SETD5: variants seen among roughly 807,000 people sequenced by gnomAD.
SETD5 encodes SET domain containing 5, also known as histone-lysine N-methyltransferase SETD5.
Under a neutral mutation model 153.3 loss-of-function variants are expected in SETD5, and 44 were observed. That is an observed-to-expected ratio of 0.29 (90% CI 0.23 to 0.37). The LOEUF is 0.37. Among genes scored for constraint, SETD5 ranks in the 10% least tolerant of loss-of-function variants. SETD5 has a pLI of 1.00. For synonymous variants in SETD5, 716 were observed against 645.2 expected (o/e 1.11, Z -1.66); for missense variants, 1,544 against 1,768.0 (o/e 0.87, Z 2.27).
chr3:9,423,901 T>G (rs914260255), intron 1 of SETD5, among the ~76,000 whole-genome samples: 2 of 152,246 alleles, frequency 1.3e-5, no homozygotes, highest in African/African-American at 4.8e-5. Context: ...TAAGCGCCAT[T>G]TTTTAAGCAT....
At chr3:9,460,806 G>T (rs536227247) in intron 17 of SETD5, among the ~76,000 whole-genome samples, 63 of 151,868 alleles carry the variant, frequency 4.1e-4, no homozygotes, top group African/African-American at 1.4e-3. Context: ...TTCCTTTTTT[G>T]TAATGGCAGT....
chr3:9,445,723 C>T lies in SETD5; in HGVS notation c.1507C>T (p.Leu503=), dbSNP rs1316499979. Residue 503 remains leucine, a synonymous_variant, in exon 13 of 23, where the codon CTA becomes TTA. Coordinates refer to ENST00000402198, the MANE Select transcript of SETD5 (RefSeq NM_001080517.3). The stretch of plus-strand genomic sequence containing the variant: ...AGAGGTTATAGATGACCAGGAGAAC[C>T]TAGCTCATAGCAGGAGGGTGAGTAC... ...KEEVIDDQEN[L]AHSRRTREDR... is the part of the protein sequence containing the mutation. 7 of 1,613,014 alleles carry T rather than the reference C, an allele frequency of 4.3e-6. No homozygotes were observed. The highest frequency in any genetic ancestry group is 1.1e-5 in the South Asian group (1 of 90,968).
chr3:9,404,197 G>A (rs2035292492), intron 1 of SETD5, among the ~76,000 whole-genome samples: 1 of 152,190 alleles, frequency 6.6e-6, no homozygotes, highest in Admixed American at 6.5e-5. Context: ...AAGGGAACTG[G>A]AATGTTAATT....
At chr3:9,475,262 G>T in intron 22 of SETD5, 106 bp downstream of exon 22, 1 of 1,231,510 alleles carries the variant, frequency 8.1e-7, no homozygotes, top group Non-Finnish European at 1.1e-6. Flanking sequence ...TATAGTTTCA[G>T]CAGCCTTGGA....
Position 9,429,901 on chromosome 3 carries a change from C to T in SETD5, c.71+892C>T, listed in dbSNP as rs1244606163. 3.1e-6 allele frequency: 4 copies of T among 1,303,724 alleles called. No individual in the cohort carries two copies. In the South Asian group the frequency reaches 3.7e-5, roughly 12 times the overall value. The allele number at this position is 1,303,724 out of a possible 1,614,324, so 80.8% of individuals were successfully genotyped here. ...GGATGTGAAAGTCCAGCGAAAGAGA[C>T]CCAAGGGGCCTAGGGGGCAGCACAC... On this transcript the variant is annotated intron_variant, in intron 3 of 22. Coordinates refer to ENST00000402198, the MANE Select transcript of SETD5 (RefSeq NM_001080517.3).
intron 1 of SETD5, among the ~76,000 whole-genome samples, chr3:9,422,337 C>T (rs1481417929): frequency 6.6e-6 from 1 of 152,136 alleles, no homozygotes; most frequent in Non-Finnish European, 1.5e-5. Context: ...CAATATTTAA[C>T]ATTGACTTTT....
chr3:9,409,692 A>G (rs527492711), intron 1 of SETD5, among the ~76,000 whole-genome samples: 2 of 152,182 alleles, frequency 1.3e-5, no homozygotes, highest in Non-Finnish European at 2.9e-5. Context: ...AGGAGTGTTC[A>G]TTGCTCTTGG....
At chr3:9,475,204 T>C (rs756230982) in intron 22 of SETD5, 48 bp downstream of exon 22, 1 of 1,501,828 alleles carries the variant, frequency 6.7e-7, no homozygotes. Flanking sequence ...GTGTTCTGGG[T>C]CCCAAATTGT....
At chr3:9,455,881 G>A (rs886129927) in intron 17 of SETD5, among the ~76,000 whole-genome samples, 20 of 152,084 alleles carry the variant, frequency 1.3e-4, no homozygotes, top group Non-Finnish European at 4.4e-5. Flanking sequence ...TTTTGTTATT[G>A]TTGAGCTTCT....
chr3:9,415,553 G>T (rs766696132), intron 1 of SETD5, among the ~76,000 whole-genome samples: 1 of 152,060 alleles, frequency 6.6e-6, no homozygotes, highest in Non-Finnish European at 1.5e-5. Flanking sequence ...TGAGTTGGTC[G>T]TTGTCTTCCA....
chr3:9,407,635 G>C (rs1315050775), intron 1 of SETD5, among the ~76,000 whole-genome samples: 3 of 152,094 alleles, frequency 2.0e-5, no homozygotes, highest in Non-Finnish European at 4.4e-5. Flanking sequence ...TTAATACTAG[G>C]AATATGTTTC....
chr3:9,453,920 G>T (rs1210590328), intron 17 of SETD5, 52 bp downstream of exon 17: 2 of 1,442,156 alleles, frequency 1.4e-6, no homozygotes, highest in Non-Finnish European at 1.8e-6. Flanking sequence ...TTTCAGGTCT[G>T]CATAAAAAAT....
At chr3:9,443,167 G>A (rs1253928469) in intron 10 of SETD5, 141 bp from the exon 11 acceptor site, 1 of 648,458 alleles carries the variant, frequency 1.5e-6, no homozygotes, top group Admixed American at 2.6e-5. Flanking sequence ...AAATGAAGGG[G>A]TTAAATAACA....
intron 15 of SETD5, 63 bp downstream of exon 15, chr3:9,448,069 G>C: frequency 6.7e-7 from 1 of 1,492,886 alleles, no homozygotes; most frequent in Non-Finnish European, 9.0e-7. Context: ...TGAAATGAGA[G>C]GACCTATAAT....
At chr3:9,435,944 G>T in intron 7 of SETD5, 38 bp downstream of exon 7, 1 of 1,514,874 alleles carries the variant, frequency 6.6e-7, no homozygotes, top group South Asian at 1.3e-5. Flanking sequence ...GAAATTGTCT[G>T]AAATAGCTTA....
chr3:9,405,853 T>C (rs1170291181), intron 1 of SETD5, among the ~76,000 whole-genome samples: 2 of 152,240 alleles, frequency 1.3e-5, no homozygotes, highest in South Asian at 2.1e-4. Flanking sequence ...TGTCCTGTTA[T>C]GTTCTTTGGC....
intron 1 of SETD5, among the ~76,000 whole-genome samples, chr3:9,421,502 C>T (rs1254545997): frequency 3.3e-5 from 5 of 152,082 alleles, no homozygotes; most frequent in African/African-American, 1.2e-4. Context: ...TGTCATGGTA[C>T]AGCTACGGTG....
At chr3:9,430,202 A>G (rs2039798885) in intron 3 of SETD5, 1 of 984,640 alleles carries the variant, frequency 1.0e-6, no homozygotes, top group Admixed American at 6.1e-5. Flanking sequence ...AAAACAGAAT[A>G]TTATTAAAGA....
Position 9,476,086 on chromosome 3 carries a change from T to C in SETD5, c.4324T>C (p.Ser1442Pro). Reference sequence around the variant, plus strand: ...AGGAGTCAAGACTCAGACGGGACTTTCCTAGGGCTTCTGGATTTGGGCAAA... The same window carrying C: ...AGGAGTCAAGACTCAGACGGGACTTCCCTAGGGCTTCTGGATTTGGGCAAA... Reference protein sequence around the residue: ...GSGVKTQTGLS With the variant: ...GSGVKTQTGLP The change falls in exon 23 of 23, where the codon TCC becomes CCC. Residue 1442 changes from serine to proline, a missense_variant. By Grantham distance (74) the Ser-to-Pro change is moderately conservative. Coordinates refer to ENST00000402198, the MANE Select transcript of SETD5 (RefSeq NM_001080517.3). 1 of 1,611,686 alleles carries C rather than the reference T, an allele frequency of 6.2e-7. No homozygotes were observed. The highest frequency in any genetic ancestry group is 8.5e-7 in the Non-Finnish European group (1 of 1,178,342).
Sources: allele counts gnomAD v4.1 joint callset (sites outside exome capture counted in the v4.1 genomes callset), GRCh38; gene constraint gnomAD v4.1.1; transcripts MANE v1.5; gene names NCBI Gene and HGNC (gene_info 2026-07-23, HGNC 2026-07-21).